The following KLF12 variants were observed in gnomAD, a reference collection of about 807,000 sequenced individuals.
KLF12 encodes Krueppel-like factor 12.
Under a neutral mutation model 37.8 loss-of-function variants are expected in KLF12, and 9 were observed. That is an observed-to-expected ratio of 0.24 (90% CI 0.14 to 0.42). The LOEUF is 0.42. Among genes scored for constraint, KLF12 ranks in the 10% least tolerant of loss-of-function variants. The pLI is 1.00. For missense variants in KLF12, 411 were observed against 516.0 expected (o/e 0.80, Z 1.97); for synonymous variants, 208 against 202.1 (o/e 1.03, Z -0.25).
At chr13:74,086,876 A>G (rs1167428222) in intron 1 of KLF12, among the ~76,000 whole-genome samples, 1 of 152,196 alleles carries the variant, frequency 6.6e-6, no homozygotes, top group Non-Finnish European at 1.5e-5. Context: ...TGTTATTAAG[A>G]AAATCATAAG....
At chr13:73,918,864 C>T (rs1024024429) in intron 3 of KLF12, among the ~76,000 whole-genome samples, 2 of 152,124 alleles carry the variant, frequency 1.3e-5, no homozygotes, top group African/African-American at 4.8e-5. Flanking sequence ...TAATGTTGCT[C>T]GGTTTACTCT....
intron 1 of KLF12, among the ~76,000 whole-genome samples, chr13:74,103,056 C>G (rs1250134659): frequency 6.6e-6 from 1 of 152,132 alleles, no homozygotes; most frequent in Non-Finnish European, 1.5e-5. Flanking sequence ...ATGGCTAAAG[C>G]CTGTTCTCAA....
chr13:73,866,353 A>G (rs1886179973), intron 3 of KLF12, among the ~76,000 whole-genome samples: 1 of 152,186 alleles, frequency 6.6e-6, no homozygotes, highest in Non-Finnish European at 1.5e-5. Flanking sequence ...AAGAATAGGG[A>G]AACAGGGCAC....
At chr13:74,020,849 C>A (rs1892824433) in intron 1 of KLF12, among the ~76,000 whole-genome samples, 1 of 151,384 alleles carries the variant, frequency 6.6e-6, no homozygotes, top group Admixed American at 6.6e-5. Flanking sequence ...GAAGATCACG[C>A]CACTGCACTC....
chr13:74,019,551 C>T (rs1029585742), intron 1 of KLF12, among the ~76,000 whole-genome samples: 1 of 152,178 alleles, frequency 6.6e-6, no homozygotes, highest in Non-Finnish European at 1.5e-5. Context: ...AAGTCCCTTG[C>T]AACAAAAACT....
At chr13:74,295,868 C>T in the KLF12 span, among the ~76,000 whole-genome samples, 1 of 152,224 alleles carries the variant, frequency 6.6e-6, no homozygotes, top group East Asian at 1.9e-4. Flanking sequence ...GGCTGGAGTA[C>T]AGTGGCGTGA....
chr13:74,287,969 C>A, the KLF12 span, among the ~76,000 whole-genome samples: 9 of 152,190 alleles, frequency 5.9e-5, no homozygotes, highest in Admixed American at 2.6e-4. Context: ...ACCCCCCTCC[C>A]ACCCGGCCCA....
chr13:73,750,476 TGAG>T (rs1878665717), intron 6 of KLF12, among the ~76,000 whole-genome samples: 1 of 152,010 alleles, frequency 6.6e-6, no homozygotes, highest in South Asian at 2.1e-4. Flanking sequence ...GCCTCAGGCT[TGAG>T]GAGAAGGTGG....
intron 3 of KLF12, among the ~76,000 whole-genome samples, chr13:73,887,359 G>T (rs1009085971): frequency 6.6e-6 from 1 of 152,186 alleles, no homozygotes; most frequent in African/African-American, 2.4e-5. Flanking sequence ...GAGCTAACTG[G>T]ATCATGGGGA....
intron 5 of KLF12, among the ~76,000 whole-genome samples, chr13:73,809,622 T>C (rs1477354284): frequency 6.6e-6 from 1 of 152,094 alleles, no homozygotes; most frequent in Non-Finnish European, 1.5e-5. Context: ...ATTATATACT[T>C]ATTTCAGAAT....
intron 6 of KLF12, among the ~76,000 whole-genome samples, chr13:73,763,564 C>G (rs1879706015): frequency 6.6e-6 from 1 of 152,156 alleles, no homozygotes; most frequent in Non-Finnish European, 1.5e-5. Flanking sequence ...GCAGGAACAT[C>G]ATTACTTCAA....
the KLF12 span, among the ~76,000 whole-genome samples, chr13:74,189,163 G>A: frequency 2.6e-5 from 4 of 152,102 alleles, no homozygotes; most frequent in Non-Finnish European, 5.9e-5. Flanking sequence ...GGAACTTTTT[G>A]TGGAACAATT....
At chr13:73,724,796 G>C (rs1030062175) in intron 6 of KLF12, among the ~76,000 whole-genome samples, 7 of 152,118 alleles carry the variant, frequency 4.6e-5, no homozygotes, top group Admixed American at 2.6e-4. Context: ...AGCTAAACAG[G>C]GGCAGTTAGA....
chr13:73,857,349 G>T (rs1012059076), intron 3 of KLF12, among the ~76,000 whole-genome samples: 1 of 152,132 alleles, frequency 6.6e-6, no homozygotes, highest in Admixed American at 6.5e-5. Context: ...AAGGGGCCTG[G>T]TGAGGACACA....
intron 3 of KLF12, among the ~76,000 whole-genome samples, chr13:73,885,068 T>C (rs1445577855): frequency 6.6e-6 from 1 of 152,244 alleles, no homozygotes; most frequent in Middle Eastern, 3.2e-3. Flanking sequence ...CTACTCTAAT[T>C]ACTTTCCTAG....
At chr13:73,889,034 C>T (rs781470964) in intron 3 of KLF12, among the ~76,000 whole-genome samples, 3 of 152,142 alleles carry the variant, frequency 2.0e-5, no homozygotes, top group Non-Finnish European at 4.4e-5. Context: ...ATTTTAGATC[C>T]AGACTGATTT....
intron 5 of KLF12, among the ~76,000 whole-genome samples, chr13:73,802,416 G>A (rs1035757108): frequency 1.3e-5 from 2 of 151,988 alleles, no homozygotes; most frequent in African/African-American, 4.8e-5. Context: ...AGAAAAATAA[G>A]ATGTTCTTCA....
At chr13:74,240,793 A>G in the KLF12 span, among the ~76,000 whole-genome samples, 3 of 139,822 alleles carry the variant, frequency 2.1e-5, no homozygotes, top group African/African-American at 5.3e-5. Context: ...TTTCAGCTCC[A>G]TCAGCTTCTT....
intron 1 of KLF12, among the ~76,000 whole-genome samples, chr13:74,059,460 T>TA (rs553348494): frequency 6.6e-6 from 1 of 152,256 alleles, no homozygotes; most frequent in Non-Finnish European, 1.5e-5. Context: ...CTTGACTTTT[T>TA]AATAATTGCT....
Sources: gnomAD v4.1 joint callset for allele counts (sites outside exome capture counted in the v4.1 genomes callset) on GRCh38, gnomAD v4.1.1 for gene constraint, MANE v1.5 for transcripts, NCBI Gene and HGNC (gene_info 2026-07-23, HGNC 2026-07-21) for gene names.